Variants in ZNF138 observed in about 807,000 individuals in gnomAD.
ZNF138 encodes the protein zinc finger protein 138, also known as zinc finger protein 138 (clone pHZ-32).
In ZNF138, 33 loss-of-function variants were observed where a neutral mutation model predicts 33.0. The ratio of observed to expected loss-of-function variants is 1.00; its 90% CI spans 0.76 to 1.34. The LOEUF is 1.34. ZNF138 is among the 40% of genes most tolerant of loss of function. The pLI is 0.00. For missense variants in ZNF138, 360 were observed against 370.8 expected, an observed-to-expected ratio of 0.97 and a Z score of 0.24; for synonymous variants, 139 against 120.4, an observed-to-expected ratio of 1.15 and a Z score of -1.01.
chr7:64,794,457 GC>G lies in ZNF138; in HGVS notation c.-110del. On this transcript the variant is annotated 5_prime_UTR_variant, in exon 1 of 4. Transcript: ENST00000307355. ...CGCTGCAGCGGGTGCTGCAGGTCTG[GC>G]CTTCACTTTTCTGCGTCCTCTTACT... 6.6e-7 allele frequency: 1 copy of G among 1,512,232 alleles called. No homozygotes were observed. The allele number at this position is 1,512,232 out of a possible 1,614,324, so 93.7% of individuals were successfully genotyped here. A position where few individuals can be genotyped will look rare whatever the true frequency, so the allele number is the denominator to read the frequency against.
Position 64,832,074 on chromosome 7 carries a change from C to T in ZNF138, c.832C>T (p.Pro278Ser). 1.2e-6 allele frequency: 2 copies of T among 1,613,872 alleles called. No homozygotes were observed. Among genetic ancestry groups the T allele is most frequent in the South Asian group, 1.1e-5 (1 of 91,078 alleles). Residue 278 changes from proline (P) to serine (S), a missense_variant, in exon 4 of 4, where the codon CCC becomes TCC. By Grantham distance (74) the Pro-to-Ser change is moderately conservative. Transcript: ENST00000307355. Reference sequence around the variant, plus strand: ...TAAGATAATTCATACTGAAGAGAAACCCTACAAATGTGAACAATGTGGCAA... The same window carrying T: ...TAAGATAATTCATACTGAAGAGAAATCCTACAAATGTGAACAATGTGGCAA... Reference protein sequence around the residue: ...RHKIIHTEEKPYKCEQCGKVF... With the variant: ...RHKIIHTEEKSYKCEQCGKVF...
chr7:64,837,649 C>T (rs533782604), downstream of ZNF138, among the ~76,000 whole-genome samples: 3 of 152,178 alleles, frequency 2.0e-5, no homozygotes, highest in Non-Finnish European at 4.4e-5. Flanking sequence ...AGGCTGTTGG[C>T]GCGTTCCACT....
In ZNF138 at chr7:64,831,713, C is replaced by G; in HGVS notation, c.471C>G (p.His157Gln). The G allele has an allele frequency of 1.2e-6, 2 of 1,610,690 alleles. No individual in the cohort carries two copies. The highest frequency in any genetic ancestry group is 1.7e-6 in the Non-Finnish European group (2 of 1,178,676). Residue 157 changes from histidine to glutamine, a missense_variant, in exon 4 of 4, where the codon CAC (histidine) becomes CAG (glutamine). Transcript: ENST00000307355. ...ATAAATTTTCAAATTCAAATAGACA[C>G]AAGATAAGACATACTGAAAATAAAC... ...VMHKFSNSNRHKIRHTENKHF... is the reference protein window; with the variant it reads ...VMHKFSNSNRQKIRHTENKHF...
chr7:64,822,951 G>A (rs1409544063), intron 3 of ZNF138, among the ~76,000 whole-genome samples: 1 of 151,814 alleles, frequency 6.6e-6, no homozygotes, highest in East Asian at 1.9e-4. Flanking sequence ...CACGATCTTG[G>A]CCCACTGCAA....
At chr7:64,811,459 C>T (rs1486069721) in intron 1 of ZNF138, among the ~76,000 whole-genome samples, 3 of 152,118 alleles carry the variant, frequency 2.0e-5, no homozygotes, top group Non-Finnish European at 4.4e-5. Context: ...GATTCTCCTA[C>T]CTCGGCCTCC....
chr7:64,803,349 T>C (rs973815376), intron 1 of ZNF138, among the ~76,000 whole-genome samples: 2 of 151,182 alleles, frequency 1.3e-5, no homozygotes, highest in African/African-American at 4.9e-5. Context: ...CACACAAAAG[T>C]TGAGCACAAA....
chr7:64,806,410 G>A (rs1267737251), intron 1 of ZNF138, among the ~76,000 whole-genome samples: 4 of 152,176 alleles, frequency 2.6e-5, no homozygotes, highest in Non-Finnish European at 4.4e-5. Flanking sequence ...AACCCAATCA[G>A]AGTAGCATGT....
At chr7:64,814,824 C>A in intron 1 of ZNF138, 94 bp from the exon 2 acceptor site, 1 of 1,506,578 alleles carries the variant, frequency 6.6e-7, no homozygotes. Context: ...ATCAGTTTTC[C>A]TTACTGTCTT....
the ZNF138 span, among the ~76,000 whole-genome samples, chr7:64,848,128 A>G: frequency 4.0e-5 from 6 of 151,616 alleles, no homozygotes; most frequent in Non-Finnish European, 1.5e-5. Flanking sequence ...GTTTCACTGG[A>G]TAAAAAATTC....
chr7:64,817,150 C>G (rs995494982), intron 3 of ZNF138, among the ~76,000 whole-genome samples: 1 of 152,170 alleles, frequency 6.6e-6, no homozygotes, highest in Non-Finnish European at 1.5e-5. Flanking sequence ...GTAGGCAGAA[C>G]TGGCCATGAA....
At chr7:64,840,778 A>C in the ZNF138 span, among the ~76,000 whole-genome samples, 3 of 152,142 alleles carry the variant, frequency 2.0e-5, no homozygotes, top group Non-Finnish European at 4.4e-5. Context: ...CTGCCTGCAA[A>C]CATACAGAAT....
the ZNF138 span, among the ~76,000 whole-genome samples, chr7:64,860,480 G>A: frequency 1.9e-4 from 29 of 152,104 alleles, no homozygotes; most frequent in African/African-American, 7.0e-4. Flanking sequence ...AGTTACATTA[G>A]GGCCATTAAT....
intron 1 of ZNF138, among the ~76,000 whole-genome samples, chr7:64,801,023 T>TA (rs1428703225): frequency 6.6e-6 from 1 of 152,206 alleles, no homozygotes; most frequent in Non-Finnish European, 1.5e-5. Context: ...GGGTCAGTGG[T>TA]AATGTCCCTT....
In ZNF138 at chr7:64,831,834, G is replaced by A; in HGVS notation, c.592G>A (p.Glu198Lys). Reference sequence around the variant, plus strand: ...TACTAGAGAGAATTTCTACAAATGTGAAGAGTGTGGAAAAACCTTTAACTG... The same window carrying A: ...TACTAGAGAGAATTTCTACAAATGTAAAGAGTGTGGAAAAACCTTTAACTG... ...IHTRENFYKCEECGKTFNWST... is the reference protein window; with the variant it reads ...IHTRENFYKCKECGKTFNWST... The change falls in exon 4 of 4, where the codon GAA (glutamate) becomes AAA (lysine). Residue 198 changes from glutamate (E) to lysine (K), a missense_variant. Physicochemically the swap from Glu to Lys is moderately conservative, Grantham distance 56 (BLOSUM62 1). Transcript: ENST00000307355. The A allele has an allele frequency of 6.2e-7, 1 of 1,613,842 alleles. No individual in the cohort carries two copies.
intron 3 of ZNF138, among the ~76,000 whole-genome samples, chr7:64,824,400 CTG>C (rs1418093488): frequency 4.6e-5 from 7 of 152,192 alleles, no homozygotes; most frequent in African/African-American, 1.4e-4. Flanking sequence ...GTCTGCCAAA[CTG>C]TGAGCAAATA....
At chr7:64,829,086 T>TA (rs1489616016) in intron 3 of ZNF138, among the ~76,000 whole-genome samples, 1 of 152,176 alleles carries the variant, frequency 6.6e-6, no homozygotes, top group Admixed American at 6.5e-5. Context: ...AATTCAGTTG[T>TA]AAAAAATTTG....
At chr7:64,813,430 A>C (rs1258700204) in intron 1 of ZNF138, among the ~76,000 whole-genome samples, 1 of 88,668 alleles carries the variant, frequency 1.1e-5, no homozygotes, top group Non-Finnish European at 2.4e-5. Flanking sequence ...AGTTTGCATA[A>C]AAATGATTTT....
intron 1 of ZNF138, 124 bp from the exon 2 acceptor site, chr7:64,814,794 A>T: frequency 8.0e-7 from 1 of 1,244,528 alleles, no homozygotes; most frequent in Non-Finnish European, 1.1e-6. Flanking sequence ...GAATAATTTC[A>T]GTCACTCCTG....
chr7:64,826,649 T>C (rs1789641905), intron 3 of ZNF138, among the ~76,000 whole-genome samples: 1 of 151,994 alleles, frequency 6.6e-6, no homozygotes, highest in South Asian at 2.1e-4. Flanking sequence ...AAAATTTTTT[T>C]TTAGACAGAG....
Sources: gnomAD v4.1 joint callset for allele counts (sites outside exome capture counted in the v4.1 genomes callset) on GRCh38, gnomAD v4.1.1 for gene constraint, MANE v1.5 for transcripts, NCBI Gene and HGNC (gene_info 2026-07-23, HGNC 2026-07-21) for gene names.